The following TGIF2 variants were observed in gnomAD, a reference collection of about 807,000 sequenced individuals.
TGIF2 encodes homeobox protein TGIF2.
Under a neutral mutation model 15.1 loss-of-function variants are expected in TGIF2, and 5 were observed. The ratio of observed to expected loss-of-function variants is 0.33; its 90% CI spans 0.17 to 0.70. TGIF2 has a LOEUF of 0.70. TGIF2 is among the 30% of genes least tolerant of loss of function. TGIF2 has a pLI of 0.67. For synonymous variants in TGIF2, 131 were observed against 128.9 expected (o/e 1.02, Z -0.11); for missense variants, 264 against 302.5 (o/e 0.87, Z 0.94).
intron 1 of TGIF2, among the ~76,000 whole-genome samples, chr20:36,577,936 G>A (rs2038465364): frequency 6.6e-6 from 1 of 152,112 alleles, no homozygotes; most frequent in South Asian, 2.1e-4. Flanking sequence ...CCACAAGTAG[G>A]TGGGCTTACA....
intron 2 of TGIF2, among the ~76,000 whole-genome samples, chr20:36,579,824 T>A (rs2038508463): frequency 6.6e-6 from 1 of 152,214 alleles, no homozygotes; most frequent in Admixed American, 6.5e-5. Flanking sequence ...CAGAACTGGA[T>A]GTGAAAGTGC....
At chr20:36,582,228 C>G (rs1400098586) in intron 2 of TGIF2, among the ~76,000 whole-genome samples, 1 of 152,052 alleles carries the variant, frequency 6.6e-6, no homozygotes, top group African/African-American at 2.4e-5. Flanking sequence ...AAGAGCGAAA[C>G]TCGGTCTCAA....
At chr20:36,581,006 A>G (rs1325672350) in intron 2 of TGIF2, among the ~76,000 whole-genome samples, 1 of 151,892 alleles carries the variant, frequency 6.6e-6, no homozygotes, top group Non-Finnish European at 1.5e-5. Context: ...GCATGCCTGT[A>G]ATCCAAGCTA....
rs2038791123 is a variant in TGIF2, at chr20:36,592,832, T to A, written c.*1401T>A. On this transcript the variant is annotated 3_prime_UTR_variant, in exon 3 of 3. Coordinates refer to ENST00000373872, the MANE Select transcript of TGIF2 (RefSeq NM_021809.7). ...TTTTGTTTTTTGTTTGTTTGTTTGT[T>A]TTTTTGAGACAGAGTCATGCTCTGT... 6.3e-6 allele frequency: 1 copy of A among 157,946 alleles called. No individual in the cohort carries two copies. The highest frequency in any genetic ancestry group is 6.5e-5 in the Admixed American group (1 of 15,358). The allele number at this position is 157,946 out of a possible 1,614,324, so 9.8% of individuals were successfully genotyped here.
At position 36,579,756 on chromosome 20, in the gene TGIF2, G is replaced by GAA. The variant is rs1334886018; in HGVS notation, c.192+790_192+791insAA. Reference sequence around the variant, plus strand: ...CGTCTTGATTTCCTTATCTGTAAAGGGGCAGGGGGTACACAGAGTCTTCCC... The same window carrying GAA: ...CGTCTTGATTTCCTTATCTGTAAAGGAAGGCAGGGGGTACACAGAGTCTTCCC... On this transcript the variant is annotated intron_variant, in intron 2 of 2. Coordinates refer to ENST00000373872, the MANE Select transcript of TGIF2 (RefSeq NM_021809.7). Among the ~76,000 whole-genome samples, 5 of 152,088 alleles carry GAA rather than the reference G, an allele frequency of 3.3e-5. 1 individual carries two copies. The highest frequency in any genetic ancestry group is 3.3e-4 in the Admixed American group (5 of 15,252).
At position 36,576,979 on chromosome 20, in the gene TGIF2, AT is replaced by A. The variant is rs560433872; in HGVS notation, c.-34-1761del. Among the ~76,000 whole-genome samples, 451 of 152,180 alleles carry A rather than the reference AT, an allele frequency of 3.0e-3. 4 individuals are homozygous for A. The highest frequency in any genetic ancestry group is 2.7e-3 in the Non-Finnish European group (181 of 68,004). On this transcript the variant is annotated intron_variant, in intron 1 of 2. Coordinates refer to ENST00000373872, the MANE Select transcript of TGIF2 (RefSeq NM_021809.7). The stretch of plus-strand genomic sequence containing the variant: ...CTTGGCCTCCCAAAGTGCCAGGAGT[AT>A]AGGTGTGAGCCACAGCACGTGGCAT...
chr20:36,580,410 C>T (rs907707488), intron 2 of TGIF2, among the ~76,000 whole-genome samples: 2 of 152,282 alleles, frequency 1.3e-5, no homozygotes, highest in East Asian at 3.9e-4. Context: ...TGGACCTTGG[C>T]CAGGTCACTG....
chr20:36,583,940 A>G (rs775582266), intron 2 of TGIF2, among the ~76,000 whole-genome samples: 2 of 152,036 alleles, frequency 1.3e-5, no homozygotes, highest in South Asian at 4.2e-4. Flanking sequence ...GGTTGCAGGT[A>G]CCTGTAATCC....
intron 2 of TGIF2, among the ~76,000 whole-genome samples, chr20:36,586,700 C>CA (rs386393699): frequency 2.7e-5 from 4 of 146,896 alleles, no homozygotes; most frequent in African/African-American, 5.1e-5. Context: ...ATTTCCCCCC[C>CA]CCCAAAAAAA....
intron 2 of TGIF2, among the ~76,000 whole-genome samples, chr20:36,584,671 C>G (rs1174359422): frequency 1.3e-5 from 2 of 151,824 alleles, no homozygotes; most frequent in East Asian, 3.9e-4. Flanking sequence ...CCCAGCCTCC[C>G]GAGTAGCTGG....
At chr20:36,580,653 CAAAA>C (rs900278773) in intron 2 of TGIF2, among the ~76,000 whole-genome samples, 2 of 148,684 alleles carry the variant, frequency 1.3e-5, no homozygotes, top group South Asian at 2.1e-4. Flanking sequence ...CTGTACAAAA[CAAAA>C]AAATTAGCTG....
At position 36,591,536 on chromosome 20, in the gene TGIF2, G is replaced by C; in HGVS notation, c.*105G>C. ...TTCTATGGATCACTGCCAAACATTG[G>C]GATCATCTCCTCTGTCCAGAGGTCT... On this transcript the variant is annotated 3_prime_UTR_variant, in exon 3 of 3. Coordinates refer to ENST00000373872, the MANE Select transcript of TGIF2 (RefSeq NM_021809.7). The surrounding 1 kb of genome is among the most constrained non-coding windows in gnomAD (Gnocchi z 5.3). The C allele has an allele frequency of 7.8e-7, 1 of 1,286,344 alleles. No homozygotes were observed. The highest frequency in any genetic ancestry group is 1.4e-5 in the South Asian group (1 of 69,662). 79.7% of individuals were successfully genotyped at this position (1,286,344 alleles called of 1,614,324 possible). A position where few individuals can be genotyped will look rare whatever the true frequency, so the allele number is the denominator to read the frequency against.
rs936056145 is a variant in TGIF2 at position 36,593,041 on chromosome 20, C to G, written c.*1610C>G. Reference sequence around the variant, plus strand: ...AGGCTGGTCTTGGAACTCCTGACCTCGTGAGCCACCACGCCCAGCCTCTTT... The same window carrying G: ...AGGCTGGTCTTGGAACTCCTGACCTGGTGAGCCACCACGCCCAGCCTCTTT... On this transcript the variant is annotated 3_prime_UTR_variant, in exon 3 of 3. Coordinates refer to ENST00000373872, the MANE Select transcript of TGIF2 (RefSeq NM_021809.7). 5 of 152,694 alleles carry G rather than the reference C, an allele frequency of 3.3e-5. No homozygotes were observed. The East Asian group carries it at 7.7e-4, about 24-fold the overall frequency. The allele number at this position is 152,694 out of a possible 1,614,324, so 9.5% of individuals were successfully genotyped here. A position where few individuals can be genotyped will look rare whatever the true frequency, so the allele number is the denominator to read the frequency against.
intron 2 of TGIF2, among the ~76,000 whole-genome samples, chr20:36,586,703 C>CCCA (rs1555926543): frequency 2.3e-5 from 3 of 131,886 alleles, no homozygotes; most frequent in African/African-American, 3.3e-5. Context: ...TCCCCCCCCC[C>CCCA]AAAAAAAAAA....
At chr20:36,573,510 C>G (rs945096335), upstream of TGIF2, 1 of 148,334 alleles carries the variant, frequency 6.7e-6, no homozygotes, top group African/African-American at 2.4e-5. Context: ...CGCAGCTCGT[C>G]GCGCTCCGCA....
intron 1 of TGIF2, among the ~76,000 whole-genome samples, chr20:36,578,412 C>CAAA (rs747225580): frequency 1.1e-5 from 1 of 92,314 alleles, no homozygotes. Context: ...GAGCCTCTCT[C>CAAA]AAAAAAAAAA....
At chr20:36,584,385 C>A (rs377724966) in intron 2 of TGIF2, among the ~76,000 whole-genome samples, 2 of 152,104 alleles carry the variant, frequency 1.3e-5, no homozygotes, top group African/African-American at 2.4e-5. Context: ...TGCTTGGTAT[C>A]TGGTAGGTAG....
chr20:36,590,046 C>G (rs1389205639), intron 2 of TGIF2, among the ~76,000 whole-genome samples: 2 of 152,190 alleles, frequency 1.3e-5, no homozygotes, highest in African/African-American at 4.8e-5. Flanking sequence ...TCTCTGCCTC[C>G]CTGGCCTCAG....
chr20:36,579,484 G>A (rs1216849632), intron 2 of TGIF2, among the ~76,000 whole-genome samples: 1 of 152,082 alleles, frequency 6.6e-6, no homozygotes, highest in Non-Finnish European at 1.5e-5. Context: ...ACTTTGGATA[G>A]TTCTGAAGAG....
Sources: allele counts gnomAD v4.1 joint callset (sites outside exome capture counted in the v4.1 genomes callset), GRCh38; gene constraint gnomAD v4.1.1; non-coding constraint Gnocchi (gnomAD v3.1); transcripts MANE v1.5; gene names NCBI Gene and HGNC (gene_info 2026-07-23, HGNC 2026-07-21).